CCDC148: variants seen among roughly 807,000 people sequenced by gnomAD.
CCDC148 encodes coiled-coil domain containing 148.
Under a neutral mutation model 85.7 loss-of-function variants are expected in CCDC148, and 89 were observed. The ratio of observed to expected loss-of-function variants is 1.04; its 90% CI spans 0.87 to 1.24. CCDC148 has a LOEUF of 1.24. Ranked by LOEUF, CCDC148 falls within the 50% of genes most tolerant of loss-of-function variation. The pLI, the probability that CCDC148 is intolerant of heterozygous loss-of-function variation, is 0.00. For synonymous variants in CCDC148, 230 were observed against 213.9 expected (o/e 1.08, Z -0.66); for missense variants, 692 against 671.7 (o/e 1.03, Z -0.33).
intron 2 of CCDC148, among the ~76,000 whole-genome samples, chr2:158,353,903 G>A (rs1390422223): frequency 6.8e-4 from 104 of 152,080 alleles, no homozygotes; most frequent in African/African-American, 2.4e-3. Flanking sequence ...CAATCAAACT[G>A]GAACTCAGGA....
intron 9 of CCDC148, among the ~76,000 whole-genome samples, chr2:158,285,808 T>C (rs962929655): frequency 2.0e-5 from 3 of 152,036 alleles, no homozygotes; most frequent in African/African-American, 7.2e-5. Flanking sequence ...AGTGCTGGGA[T>C]TACAGGAGTG....
chr2:158,276,669 C>T (rs1049222740), intron 9 of CCDC148, among the ~76,000 whole-genome samples: 4 of 152,140 alleles, frequency 2.6e-5, no homozygotes, highest in African/African-American at 9.7e-5. Context: ...GCTGAAACTC[C>T]ATTCAGACAC....
intron 1 of CCDC148, among the ~76,000 whole-genome samples, chr2:158,369,990 A>C (rs1437953262): frequency 6.6e-6 from 1 of 152,054 alleles, no homozygotes; most frequent in Non-Finnish European, 1.5e-5. Flanking sequence ...TTGTTGAACC[A>C]GCCTTTCATC....
rs1342979669 is a variant in CCDC148 at position 158,178,920 on chromosome 2, C to T, written c.1447G>A (p.Asp483Asn). The change falls in exon 12 of 14, where the codon GAC becomes AAC. Residue 483 changes from aspartate to asparagine, a missense_variant. Physicochemically the swap from Asp to Asn is conservative, Grantham distance 23. Coordinates refer to ENST00000283233, the MANE Select transcript of CCDC148 (RefSeq NM_138803.4). The part of the protein sequence containing the change: ...KEVALQEAHE[D>N]KERARRLEAL... ...TCTAGCCGCCGTGCTCTCTCTTTGT[C>T]TTCATGAGCTTCTTGAAGGGCCACT... 6.2e-7 allele frequency: 1 copy of T among 1,613,644 alleles called. No homozygotes were observed.
chr2:158,176,047 TA>T (rs900767944), intron 13 of CCDC148, among the ~76,000 whole-genome samples: 4 of 152,084 alleles, frequency 2.6e-5, no homozygotes, highest in African/African-American at 9.7e-5. Context: ...CCTTTTTCCG[TA>T]AAAAATGTTT....
At chr2:158,190,184 A>C (rs1309586530) in intron 11 of CCDC148, among the ~76,000 whole-genome samples, 1 of 151,968 alleles carries the variant, frequency 6.6e-6, no homozygotes, top group Non-Finnish European at 1.5e-5. Flanking sequence ...GAATGCTAAA[A>C]GCCAAACTGA....
intron 1 of CCDC148, 59 bp downstream of exon 1, chr2:158,456,356 T>C: frequency 3.9e-6 from 6 of 1,555,676 alleles, no homozygotes; most frequent in Non-Finnish European, 5.3e-6. Flanking sequence ...AAGTAGGATT[T>C]AGGTGGCTCA....
intron 1 of CCDC148, chr2:158,420,130 A>T (rs1039070259): frequency 1.3e-5 from 2 of 152,092 alleles, no homozygotes; most frequent in Admixed American, 6.6e-5. Flanking sequence ...TTTGAGCTGG[A>T]ATAAAAGCAA....
chr2:158,425,003 AC>A (rs1687009152), intron 1 of CCDC148: 31 of 387,316 alleles, frequency 8.0e-5, no homozygotes, highest in South Asian at 5.8e-4. Flanking sequence ...CAACACCAAA[AC>A]AAAAAGGAAG....
At chr2:158,391,890 G>A (rs1190880791) in intron 1 of CCDC148, among the ~76,000 whole-genome samples, 1 of 152,102 alleles carries the variant, frequency 6.6e-6, no homozygotes, top group Non-Finnish European at 1.5e-5. Context: ...AAGTGGTGGT[G>A]TGAGGGGATG....
intron 7 of CCDC148, among the ~76,000 whole-genome samples, chr2:158,332,737 G>A (rs527931363): frequency 3.3e-5 from 5 of 151,948 alleles, no homozygotes; most frequent in Middle Eastern, 3.4e-3. Flanking sequence ...TCAGGGATTC[G>A]ACTTCTTCCT....
At chr2:158,404,152 TATC>T (rs1451524860) in intron 1 of CCDC148, among the ~76,000 whole-genome samples, 1 of 152,168 alleles carries the variant, frequency 6.6e-6, no homozygotes, top group African/African-American at 2.4e-5. Flanking sequence ...AAGCCATTAT[TATC>T]ATTGACAGAT....
rs371591184 is a variant in CCDC148 at position 158,226,398 on chromosome 2, C to A, written c.1252-5685G>T. Among the ~76,000 whole-genome samples, 19 of 152,332 alleles carry A rather than the reference C, an allele frequency of 1.2e-4. 1 individual carries two copies. Among genetic ancestry groups the A allele is most frequent in the Admixed American group, 9.1e-4 (14 of 15,308 alleles). On this transcript the variant is annotated intron_variant, in intron 10 of 13. Coordinates refer to ENST00000283233, the MANE Select transcript of CCDC148 (RefSeq NM_138803.4). ...GGTATAAGGAGGAGCCGGTACCATT[C>A]TTTCTGAAACTATTCCAATCAATAG...
intron 3 of CCDC148, among the ~76,000 whole-genome samples, chr2:158,341,879 T>C (rs1391117409): frequency 6.6e-6 from 1 of 150,700 alleles, no homozygotes; most frequent in Non-Finnish European, 1.5e-5. Context: ...GGTCATAACA[T>C]GGCATATTTA....
intron 2 of CCDC148, among the ~76,000 whole-genome samples, chr2:158,346,434 T>C (rs1238825565): frequency 1.3e-5 from 2 of 152,228 alleles, no homozygotes; most frequent in Admixed American, 1.3e-4. Flanking sequence ...TTGCTTCTTC[T>C]GTATGTCCCT....
At chr2:158,340,422 A>G (rs1197644531) in intron 4 of CCDC148, 29 bp from the exon 5 acceptor site, 1 of 1,608,116 alleles carries the variant, frequency 6.2e-7, no homozygotes, top group South Asian at 1.1e-5. Context: ...GAATTAAAGG[A>G]ACACATTATT....
intron 10 of CCDC148, among the ~76,000 whole-genome samples, chr2:158,243,427 T>C (rs959461856): frequency 2.6e-5 from 4 of 152,176 alleles, no homozygotes; most frequent in Non-Finnish European, 5.9e-5. Context: ...GTGTTTCTAA[T>C]AAAATTTTCC....
At chr2:158,238,477 G>C (rs1688208909) in intron 10 of CCDC148, among the ~76,000 whole-genome samples, 1 of 152,030 alleles carries the variant, frequency 6.6e-6, no homozygotes. Flanking sequence ...ATTTTCTTCA[G>C]TCTGCTTAAC....
At chr2:158,350,531 A>G (rs1683209230) in intron 2 of CCDC148, among the ~76,000 whole-genome samples, 1 of 152,278 alleles carries the variant, frequency 6.6e-6, no homozygotes, top group South Asian at 2.1e-4. Context: ...AAACACTCAC[A>G]CTTTTGGTCC....
Sources: gnomAD v4.1 joint callset for allele counts (sites outside exome capture counted in the v4.1 genomes callset) on GRCh38, gnomAD v4.1.1 for gene constraint, MANE v1.5 for transcripts, NCBI Gene and HGNC (gene_info 2026-07-23, HGNC 2026-07-21) for gene names.